Variants in KAZN observed in about 807,000 individuals in gnomAD.
KAZN encodes kazrin.
Under a neutral mutation model 87.4 loss-of-function variants are expected in KAZN, and 40 were observed. That is an observed-to-expected ratio of 0.46 (90% CI 0.36 to 0.60). KAZN has a LOEUF of 0.60. Among genes scored for constraint, KAZN ranks in the 20% least tolerant of loss-of-function variants. KAZN has a pLI of 0.00. For synonymous variants in KAZN, 466 were observed against 458.3 expected (o/e 1.02, Z -0.22); for missense variants, 898 against 1,073.9 (o/e 0.84, Z 2.29).
intron 1 of KAZN, among the ~76,000 whole-genome samples, chr1:14,707,643 C>A (rs1181239209): frequency 2.0e-5 from 3 of 152,150 alleles, no homozygotes; most frequent in Non-Finnish European, 4.4e-5. Context: ...CCTTGGCTGC[C>A]ATTTTGGTTG....
At chr1:14,802,993 T>C (rs564020888) in intron 1 of KAZN, among the ~76,000 whole-genome samples, 19 of 152,262 alleles carry the variant, frequency 1.2e-4, no homozygotes, top group African/African-American at 4.6e-4. Context: ...CATGGAAATA[T>C]TGCTTTCTGA....
intron 1 of KAZN, among the ~76,000 whole-genome samples, chr1:14,125,000 G>A (rs1207712863): frequency 1.3e-5 from 2 of 152,174 alleles, no homozygotes; most frequent in Admixed American, 6.5e-5. Context: ...TTGCAGTAGC[G>A]AGTGGATAGG....
chr1:14,883,026 T>C (rs866800081), intron 1 of KAZN, among the ~76,000 whole-genome samples: 55 of 152,172 alleles, frequency 3.6e-4, no homozygotes, highest in Middle Eastern at 3.4e-3. Context: ...CCGGGCACGG[T>C]GGCTCATACC....
chr1:14,013,446 A>G (rs1640415144), intron 1 of KAZN, among the ~76,000 whole-genome samples: 2 of 152,040 alleles, frequency 1.3e-5, no homozygotes, highest in South Asian at 2.1e-4. Flanking sequence ...CCAAAATGAC[A>G]ACCCCCCAGA....
intron 2 of KAZN, among the ~76,000 whole-genome samples, chr1:14,465,142 G>A (rs899112877): frequency 7.2e-5 from 11 of 151,978 alleles, no homozygotes; most frequent in Non-Finnish European, 1.5e-4. Flanking sequence ...GCTCATGCCT[G>A]TAATCCCATC....
intron 1 of KAZN, among the ~76,000 whole-genome samples, chr1:14,939,457 T>C (rs1204377037): frequency 1.3e-5 from 2 of 152,008 alleles, no homozygotes; most frequent in African/African-American, 2.4e-5. Context: ...ATTTTGTTTG[T>C]AGAGACAGGG....
At chr1:14,639,239 C>T (rs776918440) in intron 1 of KAZN, among the ~76,000 whole-genome samples, 1 of 152,142 alleles carries the variant, frequency 6.6e-6, no homozygotes, top group Non-Finnish European at 1.5e-5. Flanking sequence ...GAAGGGGAGA[C>T]CTCCCATTTG....
At position 14,887,660 on chromosome 1, in the gene KAZN, G is replaced by A. The variant is rs11803537; in HGVS notation, c.227-73024G>A. 7.6e-3 allele frequency among the ~76,000 whole-genome samples: 1,136 copies of A among 148,738 alleles called. 15 individuals carry two copies. The highest frequency in any genetic ancestry group is 0.027 in the African/African-American group (1,067 of 39,632). On this transcript the variant is annotated intron_variant, in intron 1 of 14. Transcript: ENST00000376030. ...CCAGTTTGGGAACCATCAACCCGTC[G>A]TGGTAGTTTTTTTTTTTTTTTTGCG... is the stretch of plus-strand genomic sequence containing the variant.
chr1:14,715,924 G>T (rs563674732), intron 1 of KAZN, among the ~76,000 whole-genome samples: 1 of 152,186 alleles, frequency 6.6e-6, no homozygotes, highest in African/African-American at 2.4e-5. Flanking sequence ...TAAAATGGAC[G>T]CTGGAGTGTT....
chr1:15,111,261 GTTGTTGTTGT>G lies in KAZN; in HGVS notation c.2049-1154_2049-1145del, dbSNP rs1386537125. Among the ~76,000 whole-genome samples the G allele has an allele frequency of 2.3e-3, 35 of 15,184 alleles. No individual in the cohort carries two copies. The South Asian group carries it at 0.08, about 35-fold the overall frequency. 10.0% of individuals were successfully genotyped at this position (15,184 alleles called of 152,430 possible). ...AGCTTAAAAGATGCTAGAAGGTTCT[GTTGTTGTTGT>G]TTGTTGTTGTTGTTGTTGTTGTTGT... On this transcript the variant is annotated intron_variant, in intron 13 of 14. Transcript: ENST00000376030.
intron 2 of KAZN, among the ~76,000 whole-genome samples, chr1:14,460,223 C>T (rs1160056904): frequency 6.6e-6 from 1 of 152,206 alleles, no homozygotes; most frequent in East Asian, 1.9e-4. Flanking sequence ...AACTCTGGGA[C>T]ACATAGTTCC....
chr1:15,034,194 A>G (rs1672015293), intron 2 of KAZN, among the ~76,000 whole-genome samples: 1 of 152,244 alleles, frequency 6.6e-6, no homozygotes, highest in African/African-American at 2.4e-5. Context: ...CCTTTGAAAC[A>G]CAAACGGTTT....
chr1:14,185,057 T>C (rs1646275372), intron 2 of KAZN, among the ~76,000 whole-genome samples: 1 of 152,136 alleles, frequency 6.6e-6, no homozygotes, highest in African/African-American at 2.4e-5. Context: ...TGGTTAGCCC[T>C]AGAGAATGTC....
intron 8 of KAZN, among the ~76,000 whole-genome samples, chr1:15,087,194 G>A (rs2203264): frequency 0.23 from 34,684 of 152,070 alleles, 5,666 homozygotes; most frequent in East Asian, 0.64. Context: ...AGCCACATGT[G>A]TAACTTTATA....
intron 1 of KAZN, among the ~76,000 whole-genome samples, chr1:14,922,118 G>A (rs1372742214): frequency 2.0e-5 from 3 of 152,150 alleles, no homozygotes; most frequent in South Asian, 2.1e-4. Flanking sequence ...GTTTCTTTGC[G>A]GAAGTGAAAA....
At chr1:14,118,112 A>ATG (rs1557489413) in intron 1 of KAZN, among the ~76,000 whole-genome samples, 2 of 152,032 alleles carry the variant, frequency 1.3e-5, no homozygotes, top group African/African-American at 4.8e-5. Flanking sequence ...TTTGGAGGGC[A>ATG]GCTCACAGGT....
Position 13,969,927 on chromosome 1 carries a change from G to A in KAZN, c.91+76171G>A, listed in dbSNP as rs139765521. Reference sequence around the variant, plus strand: ...AAACTGATTCTGTGAGGTAGGCACCGCCCATTTTATAGAAGAAGAAGCCAA... The same window carrying A: ...AAACTGATTCTGTGAGGTAGGCACCACCCATTTTATAGAAGAAGAAGCCAA... On this transcript the variant is annotated intron_variant, in intron 1 of 16. Coordinates refer to the KAZN transcript ENST00000636203. 3.4e-3 allele frequency among the ~76,000 whole-genome samples: 520 copies of A among 152,244 alleles called. 6 individuals are homozygous for A. Among genetic ancestry groups the A allele is most frequent in the Non-Finnish European group, 5.5e-3 (374 of 68,020 alleles).
At chr1:14,883,177 C>T (rs1653524501) in intron 1 of KAZN, among the ~76,000 whole-genome samples, 13 of 151,544 alleles carry the variant, frequency 8.6e-5, no homozygotes, top group Admixed American at 8.6e-4. Flanking sequence ...TGCCTGTAAT[C>T]CCAGTTACTC....
chr1:14,713,775 C>CA (rs58947119), intron 1 of KAZN, among the ~76,000 whole-genome samples: 2,354 of 94,570 alleles, frequency 0.025, 125 homozygotes, highest in African/African-American at 0.074. Context: ...CTCATCTCTA[C>CA]AAAAAAAAAA....
Sources: allele counts gnomAD v4.1 joint callset (sites outside exome capture counted in the v4.1 genomes callset), GRCh38; gene constraint gnomAD v4.1.1; transcripts MANE v1.5; gene names NCBI Gene and HGNC (gene_info 2026-07-23, HGNC 2026-07-21).